The following PCSK2 variants were observed in gnomAD, a reference collection of about 807,000 sequenced individuals.
PCSK2 encodes neuroendocrine convertase 2.
In PCSK2, 14 loss-of-function variants were observed where a neutral mutation model predicts 69.7. That is an observed-to-expected ratio of 0.20 (90% CI 0.13 to 0.31). The LOEUF is 0.31. PCSK2 is among the 10% of genes least tolerant of loss of function. The pLI, the probability that PCSK2 is intolerant of heterozygous loss-of-function variation, is 1.00. For missense variants in PCSK2, 544 were observed against 842.5 expected (o/e 0.65, Z 4.39); for synonymous variants, 307 against 320.7 (o/e 0.96, Z 0.46).
At chr20:17,450,219 G>A (rs912532598) in intron 8 of PCSK2, among the ~76,000 whole-genome samples, 2 of 151,450 alleles carry the variant, frequency 1.3e-5, no homozygotes, top group Non-Finnish European at 2.9e-5. Context: ...TAGTAGAGAC[G>A]GGGTTTCACT....
intron 1 of PCSK2, among the ~76,000 whole-genome samples, chr20:17,258,869 G>A (rs1318768332): frequency 6.6e-6 from 1 of 150,718 alleles, no homozygotes; most frequent in Non-Finnish European, 1.5e-5. Context: ...CTTACAAGTA[G>A]GTAGGCCTAG....
intron 5 of PCSK2, among the ~76,000 whole-genome samples, chr20:17,395,558 T>C (rs909287433): frequency 1.3e-5 from 2 of 152,158 alleles, no homozygotes; most frequent in African/African-American, 2.4e-5. Context: ...AATTACATAA[T>C]CTCATGGAGA....
intron 6 of PCSK2, among the ~76,000 whole-genome samples, chr20:17,426,780 A>G (rs2032257194): frequency 6.6e-6 from 1 of 152,162 alleles, no homozygotes; most frequent in South Asian, 2.1e-4. Flanking sequence ...GTCTATTTAA[A>G]CCTTCAAGTG....
At chr20:17,445,170 C>T (rs1291668406) in intron 8 of PCSK2, among the ~76,000 whole-genome samples, 1 of 152,170 alleles carries the variant, frequency 6.6e-6, no homozygotes, top group African/African-American at 2.4e-5. Flanking sequence ...AAAGAGGGAG[C>T]TACAAAAACC....
At chr20:17,461,074 G>A (rs1220724875) in intron 10 of PCSK2, among the ~76,000 whole-genome samples, 1 of 152,042 alleles carries the variant, frequency 6.6e-6, no homozygotes, top group Non-Finnish European at 1.5e-5. Flanking sequence ...CTTGCCTGTG[G>A]GGCTCACCAC....
chr20:17,291,007 C>T (rs1271700994), intron 2 of PCSK2, among the ~76,000 whole-genome samples: 1 of 152,212 alleles, frequency 6.6e-6, no homozygotes, highest in South Asian at 2.1e-4. Context: ...GACCCAATCA[C>T]CTCTTAAAGT....
intron 2 of PCSK2, among the ~76,000 whole-genome samples, chr20:17,347,386 T>G (rs1372575638): frequency 6.6e-6 from 1 of 152,122 alleles, no homozygotes; most frequent in Admixed American, 6.6e-5. Context: ...AAGCCAGCAG[T>G]TGGCGGCAAA....
intron 2 of PCSK2, among the ~76,000 whole-genome samples, chr20:17,290,637 C>T (rs530937982): frequency 6.6e-6 from 1 of 152,334 alleles, no homozygotes; most frequent in African/African-American, 2.4e-5. Flanking sequence ...CATAAGCCTT[C>T]ACCTACAGTG....
At chr20:17,433,475 T>C (rs1236164614) in intron 7 of PCSK2, among the ~76,000 whole-genome samples, 4 of 152,316 alleles carry the variant, frequency 2.6e-5, no homozygotes, top group African/African-American at 9.6e-5. Flanking sequence ...ATGTAGTATT[T>C]ACTGGAGGCA....
intron 2 of PCSK2, among the ~76,000 whole-genome samples, chr20:17,291,060 C>A (rs1361511): frequency 1.3e-5 from 2 of 151,798 alleles, no homozygotes; most frequent in African/African-American, 2.4e-5. Flanking sequence ...AAATTTCAAC[C>A]TGAGTTTAGG....
intron 2 of PCSK2, among the ~76,000 whole-genome samples, chr20:17,323,405 G>A (rs1989937658): frequency 6.6e-6 from 1 of 152,164 alleles, no homozygotes; most frequent in South Asian, 2.1e-4. Context: ...CCAGCCTCCA[G>A]AACTGTGGGC....
chr20:17,228,509 G>A (rs936420141), intron 1 of PCSK2, among the ~76,000 whole-genome samples: 2 of 152,206 alleles, frequency 1.3e-5, no homozygotes, highest in Admixed American at 1.3e-4. Context: ...GGTGGGGCGA[G>A]GGGAACCCAA....
At chr20:17,333,910 C>CATATATATATATATATATAT (rs3076241) in intron 2 of PCSK2, among the ~76,000 whole-genome samples, 898 of 86,096 alleles carry the variant, frequency 0.01, 59 homozygotes, top group East Asian at 0.054. Context: ...TAAGTCACTG[C>CATATATATATATATATATAT]ATATATATAT....
intron 8 of PCSK2, 57 bp downstream of exon 8, chr20:17,436,940 G>C: frequency 6.9e-7 from 1 of 1,456,284 alleles, no homozygotes; most frequent in Non-Finnish European, 9.2e-7. Flanking sequence ...AAAGTGGGTG[G>C]AGGGGTAGAT....
intron 1 of PCSK2, among the ~76,000 whole-genome samples, chr20:17,250,577 A>C (rs956653250): frequency 6.6e-5 from 10 of 152,170 alleles, no homozygotes. Context: ...TGCCGGCCAC[A>C]ATTACTATTA....
At chr20:17,298,535 G>A (rs1219663425) in intron 2 of PCSK2, among the ~76,000 whole-genome samples, 1 of 152,158 alleles carries the variant, frequency 6.6e-6, no homozygotes, top group Non-Finnish European at 1.5e-5. Context: ...TAGTGTTGAG[G>A]CAGGAAAATT....
At chr20:17,348,008 GA>G (rs1600511116) in intron 2 of PCSK2, among the ~76,000 whole-genome samples, 1 of 121,104 alleles carries the variant, frequency 8.3e-6, no homozygotes, top group Non-Finnish European at 1.7e-5. Flanking sequence ...GAGAAAGAAA[GA>G]AAGAGAGAAA....
At chr20:17,451,479 A>T (rs1322893663) in intron 8 of PCSK2, among the ~76,000 whole-genome samples, 3 of 152,128 alleles carry the variant, frequency 2.0e-5, no homozygotes, top group African/African-American at 7.2e-5. Flanking sequence ...CTTCTCTCTT[A>T]TCAATCAGGA....
chr20:17,367,043 C>G (rs960653898), intron 4 of PCSK2, among the ~76,000 whole-genome samples: 2 of 151,180 alleles, frequency 1.3e-5, no homozygotes, highest in Non-Finnish European at 2.9e-5. Context: ...TTCGTTTGAT[C>G]TAGCTAAGTG....
Sources: gnomAD v4.1 joint callset for allele counts (sites outside exome capture counted in the v4.1 genomes callset) on GRCh38, gnomAD v4.1.1 for gene constraint, MANE v1.5 for transcripts, NCBI Gene and HGNC (gene_info 2026-07-23, HGNC 2026-07-21) for gene names.